The following ALLC variants were observed in gnomAD, a reference collection of about 807,000 sequenced individuals.
The protein encoded by ALLC is probable inactive allantoicase.
In ALLC, 40 loss-of-function variants were observed where a neutral mutation model predicts 45.0. The observed-to-expected ratio is 0.89, with a 90% CI of 0.69 to 1.16. ALLC has a LOEUF of 1.16. Ranked by LOEUF, ALLC falls within the 50% of genes most tolerant of loss-of-function variation. The pLI is 0.00. For synonymous variants in ALLC, 176 were observed against 178.1 expected, an observed-to-expected ratio of 0.99 and a Z score of 0.09; for missense variants, 488 against 493.1, an observed-to-expected ratio of 0.99 and a Z score of 0.10.
chr2:3,688,989 T>A (rs1158961370), intron 7 of ALLC: 1 of 154,920 alleles, frequency 6.5e-6, no homozygotes, highest in African/African-American at 2.4e-5. Flanking sequence ...TTTCACCTTG[T>A]TGCCTCAGGA....
rs971000736 is a variant in ALLC, at chr2:3,665,167, C to T, written c.-62-5929C>T. On this transcript the variant is annotated intron_variant, in intron 1 of 11. Coordinates refer to ENST00000252505, the MANE Select transcript of ALLC (RefSeq NM_018436.4). Reference sequence around the variant, plus strand: ...TCCTGGAAAGGGCCTGTCTGCTTGGCGGCATCAGCTGTAGATGGCATCGCT... The same window carrying T: ...TCCTGGAAAGGGCCTGTCTGCTTGGTGGCATCAGCTGTAGATGGCATCGCT... Among the ~76,000 whole-genome samples, 4 of 152,102 alleles carry T rather than the reference C, an allele frequency of 2.6e-5. No individual in the cohort carries two copies. In the South Asian group the frequency reaches 8.3e-4, roughly 32 times the overall value.
chr2:3,656,461 T>C (rs1210918410), upstream of ALLC, among the ~76,000 whole-genome samples: 2 of 152,240 alleles, frequency 1.3e-5, no homozygotes, highest in African/African-American at 4.8e-5. Flanking sequence ...CTCTGCCGCA[T>C]GTGGCTGTTG....
rs561562680 is a variant in ALLC at position 3,687,546 on chromosome 2, G to T, written c.511+4472G>T. 2.0e-3 allele frequency among the ~76,000 whole-genome samples: 304 copies of T among 150,980 alleles called. 7 individuals carry two copies. Among genetic ancestry groups the T allele is most frequent in the African/African-American group, 6.9e-3 (287 of 41,412 alleles). On this transcript the variant is annotated intron_variant, in intron 7 of 11. Transcript: ENST00000252505. ...TTCCTTTTATGTTTGGTAGAATTCAGCAGGGAAGCCATTAGGTCCTGGAAT... is the reference window on the plus strand; with the variant it reads ...TTCCTTTTATGTTTGGTAGAATTCATCAGGGAAGCCATTAGGTCCTGGAAT...
At position 3,697,471 on chromosome 2, in the gene ALLC, A is replaced by G. The variant is rs183614701; in HGVS notation, c.850+15A>G. 98 of 1,591,812 alleles carry G rather than the reference A, an allele frequency of 6.2e-5. No individual in the cohort carries two copies. In the African/African-American group the frequency reaches 1.1e-3, roughly 18 times the overall value. ...ATATTTTGAAGGTAAATGCAAAGCCATAAAGAAGTACCCTATAATTGGTTT... is the reference window on the plus strand; with the variant it reads ...ATATTTTGAAGGTAAATGCAAAGCCGTAAAGAAGTACCCTATAATTGGTTT... On this transcript the variant is annotated intron_variant, in intron 10 of 11. Transcript: ENST00000252505.
At position 3,697,380 on chromosome 2, in the gene ALLC, T is replaced by G; in HGVS notation, c.774T>G (p.Gly258=). ...AGAATGGCATTCTCTTGGTTCCGGG[T>G]TGTGAATGGGCAGTTTTCCGATTGG... ...NDENGILLVP[G]CEWAVFRLAH... The change falls in exon 10 of 12, where the codon GGT becomes GGG. Residue 258 remains glycine (G), a synonymous_variant. Transcript: ENST00000252505. 1 of 1,613,930 alleles carries G rather than the reference T, an allele frequency of 6.2e-7. No homozygotes were observed.
At chr2:3,690,674 C>CAA (rs149587968) in intron 7 of ALLC, among the ~76,000 whole-genome samples, 8 of 149,720 alleles carry the variant, frequency 5.3e-5, no homozygotes, top group African/African-American at 2.0e-4. Flanking sequence ...CAAAGAAAAA[C>CAA]AAAAAAAAAC....
At chr2:3,669,855 C>G (rs565021555) in intron 1 of ALLC, among the ~76,000 whole-genome samples, 7 of 152,278 alleles carry the variant, frequency 4.6e-5, no homozygotes, top group Admixed American at 2.6e-4. Flanking sequence ...AGGCTTGGAC[C>G]TGTCGGCTTT....
chr2:3,650,795 G>A, the ALLC span, among the ~76,000 whole-genome samples: 1 of 152,226 alleles, frequency 6.6e-6, no homozygotes, highest in Non-Finnish European at 1.5e-5. Flanking sequence ...TTCATGGAGG[G>A]GAGTCTGTGT....
intron 2 of ALLC, among the ~76,000 whole-genome samples, chr2:3,672,019 C>G (rs1666889724): frequency 1.8e-5 from 2 of 108,656 alleles, no homozygotes; most frequent in Non-Finnish European, 1.8e-5. Context: ...CTAGTTAGAT[C>G]CGAGGTCCTC....
At chr2:3,657,836 T>C (rs1359626973), upstream of ALLC, among the ~76,000 whole-genome samples, 1 of 152,268 alleles carries the variant, frequency 6.6e-6, no homozygotes, top group Non-Finnish European at 1.5e-5. Flanking sequence ...GGCCCCTGTC[T>C]TCTCTAGTAG....
intron 6 of ALLC, among the ~76,000 whole-genome samples, chr2:3,682,300 C>T (rs1393781372): frequency 6.6e-6 from 1 of 152,040 alleles, no homozygotes; most frequent in Admixed American, 6.6e-5. Context: ...ATGGCAGTAG[C>T]CTTGGTTTTT....
chr2:3,666,423 G>C (rs1666725615), intron 1 of ALLC, among the ~76,000 whole-genome samples: 1 of 152,246 alleles, frequency 6.6e-6, no homozygotes, highest in Non-Finnish European at 1.5e-5. Flanking sequence ...AGAGGACAAT[G>C]ATGAAGGGGT....
chr2:3,693,071 T>G (rs1023776051), intron 7 of ALLC, among the ~76,000 whole-genome samples: 15 of 152,110 alleles, frequency 9.9e-5, no homozygotes, highest in Non-Finnish European at 5.9e-5. Flanking sequence ...GGTGTGCAGG[T>G]GAGGTCTTGG....
chr2:3,671,232 C>A, intron 2 of ALLC, 42 bp downstream of exon 2: 2 of 1,594,080 alleles, frequency 1.3e-6, no homozygotes, highest in Non-Finnish European at 1.7e-6. Flanking sequence ...TGAAGGCATC[C>A]GTGCTAAGGG....
Position 3,682,994 on chromosome 2 carries a change from G to A in ALLC, c.431G>A (p.Gly144Glu). The A allele has an allele frequency of 6.2e-7, 1 of 1,613,940 alleles. No homozygotes were observed. Among genetic ancestry groups the A allele is most frequent in the East Asian group, 2.2e-5 (1 of 44,876 alleles). The change falls in exon 7 of 12, where the codon GGA becomes GAA. Residue 144 changes from glycine to glutamate, a missense_variant. By Grantham distance (98) the Gly-to-Glu change is moderately conservative. Transcript: ENST00000252505. ...YLVPMTELKP[G>E]NPASGHNYFL... ...GTTCCCATGACTGAGCTTAAGCCAGGAAACCCTGCTTCCGGCCACAACTAT... is the reference window on the plus strand; with the variant it reads ...GTTCCCATGACTGAGCTTAAGCCAGAAAACCCTGCTTCCGGCCACAACTAT...
chr2:3,670,546 G>C (rs939245724), intron 1 of ALLC, among the ~76,000 whole-genome samples: 3 of 152,168 alleles, frequency 2.0e-5, no homozygotes, highest in Admixed American at 6.5e-5. Context: ...GCATGGCCCC[G>C]AATCTCCCTC....
upstream of ALLC, among the ~76,000 whole-genome samples, chr2:3,654,751 G>A (rs774426513): frequency 3.9e-5 from 6 of 152,212 alleles, no homozygotes; most frequent in Admixed American, 6.5e-5. Context: ...TGGAAGAAAC[G>A]TATTCTCAGT....
chr2:3,663,891 A>G (rs1241938294), intron 1 of ALLC, among the ~76,000 whole-genome samples: 1 of 152,250 alleles, frequency 6.6e-6, no homozygotes, highest in Non-Finnish European at 1.5e-5. Context: ...TCTGTTCAGT[A>G]TAGTAGCCAT....
chr2:3,672,798 C>T lies in ALLC; in HGVS notation c.34-1277C>T, dbSNP rs115042438. ...CGGAGGTCCTCTGGCTGTAGTTAGA[C>T]CTGTGGTCCTCTGGCTCTAGTGTGT... On this transcript the variant is annotated intron_variant, in intron 2 of 11. Transcript: ENST00000252505. Among the ~76,000 whole-genome samples the T allele has an allele frequency of 4.7e-3, 708 of 152,010 alleles. 9 individuals carry two copies. Among genetic ancestry groups the T allele is most frequent in the African/African-American group, 0.016 (657 of 41,438 alleles).
Sources: gnomAD v4.1 joint callset for allele counts (sites outside exome capture counted in the v4.1 genomes callset) on GRCh38, gnomAD v4.1.1 for gene constraint, MANE v1.5 for transcripts, NCBI Gene and HGNC (gene_info 2026-07-23, HGNC 2026-07-21) for gene names.